EPB41L4A: variants seen among roughly 807,000 people sequenced by gnomAD.
The protein encoded by EPB41L4A is erythrocyte membrane protein band 4.1 like 4A.
A neutral mutation model predicts 108.6 loss-of-function variants in EPB41L4A; 100 were observed. That is an observed-to-expected ratio of 0.92 (90% CI 0.78 to 1.09). The LOEUF is 1.09. EPB41L4A is among the 50% of genes least tolerant of loss of function. The pLI, the probability that EPB41L4A is intolerant of heterozygous loss-of-function variation, is 0.00. For synonymous variants in EPB41L4A, 319 were observed against 289.0 expected (o/e 1.10, Z -1.05); for missense variants, 1,030 against 842.7 (o/e 1.22, Z -2.75).
intron 12 of EPB41L4A, among the ~76,000 whole-genome samples, chr5:112,232,365 T>C (rs1749020377): frequency 1.3e-5 from 2 of 152,214 alleles, no homozygotes; most frequent in South Asian, 4.1e-4. Flanking sequence ...CACAGTAGTT[T>C]TAGCCAAACT....
At chr5:112,375,313 T>TCTCTCTCTCG (rs112044611) in intron 1 of EPB41L4A, among the ~76,000 whole-genome samples, 16,795 of 148,414 alleles carry the variant, frequency 0.11, 3,164 homozygotes, top group African/African-American at 0.4. Flanking sequence ...GGTCAGTCTC[T>TCTCTCTCTCG]CTCTCTCTCG....
At chr5:112,195,588 C>T in intron 16 of EPB41L4A, 73 bp downstream of exon 16, 1 of 1,314,696 alleles carries the variant, frequency 7.6e-7, no homozygotes, top group Admixed American at 1.8e-5. Context: ...CCCGCTCTTT[C>T]CTTAACTCTG....
At chr5:112,194,754 T>C in intron 16 of EPB41L4A, 109 bp from the exon 17 acceptor site, 2 of 646,562 alleles carry the variant, frequency 3.1e-6, no homozygotes, top group Non-Finnish European at 5.1e-6. Flanking sequence ...AGTAAAATTA[T>C]CAATCCAAAC....
intron 9 of EPB41L4A, among the ~76,000 whole-genome samples, chr5:112,251,834 G>C (rs1158465414): frequency 6.6e-6 from 1 of 152,150 alleles, no homozygotes; most frequent in African/African-American, 2.4e-5. Context: ...GAATACATGA[G>C]CACAGGAATG....
chr5:112,300,875 T>A (rs1754310789), intron 2 of EPB41L4A, among the ~76,000 whole-genome samples: 2 of 152,162 alleles, frequency 1.3e-5, no homozygotes, highest in Non-Finnish European at 2.9e-5. Context: ...TTGGACTGGG[T>A]TAATTTGATA....
chr5:112,154,026 A>C (rs953708672), intron 12 of EPB41L4A, among the ~76,000 whole-genome samples: 26 of 152,250 alleles, frequency 1.7e-4, no homozygotes, highest in African/African-American at 6.0e-4. Context: ...CAATATGGCC[A>C]AGTTAATTGG....
At chr5:112,214,981 A>G (rs571473017) in intron 12 of EPB41L4A, among the ~76,000 whole-genome samples, 3 of 152,314 alleles carry the variant, frequency 2.0e-5, no homozygotes, top group African/African-American at 7.2e-5. Context: ...TAAGGCCTCA[A>G]AATCTTAATA....
In EPB41L4A at chr5:112,331,678, C is replaced by T. The variant is rs114837484; in HGVS notation, c.100-24188G>A. On this transcript the variant is annotated intron_variant, in intron 1 of 22. Transcript: ENST00000261486. Reference sequence around the variant, plus strand: ...ATGTCAGCAAAGTTCTCAGTCCCCACCCTGACACTGTATAAGCAGGATGCA... The same window carrying T: ...ATGTCAGCAAAGTTCTCAGTCCCCATCCTGACACTGTATAAGCAGGATGCA... Among the ~76,000 whole-genome samples, 1,414 of 152,334 alleles carry T rather than the reference C, an allele frequency of 9.3e-3. 23 individuals carry two copies. Among genetic ancestry groups the T allele is most frequent in the African/African-American group, 0.032 (1,347 of 41,566 alleles).
intron 2 of EPB41L4A, among the ~76,000 whole-genome samples, chr5:112,300,371 T>C (rs1164131543): frequency 6.6e-6 from 1 of 152,184 alleles, no homozygotes; most frequent in Non-Finnish European, 1.5e-5. Context: ...CAGCATTTGT[T>C]TACCTGAAAA....
chr5:112,275,313 G>A lies in EPB41L4A; in HGVS notation c.335+13C>T. 6.5e-7 allele frequency: 1 copy of A among 1,535,080 alleles called. No individual in the cohort carries two copies. The highest frequency in any genetic ancestry group is 8.8e-7 in the Non-Finnish European group (1 of 1,135,750). ...ATGCATGTATCTGTTCAAAAACAAA[G>A]TCAATACTATACCTGGTTATTTCTT... On this transcript the variant is annotated intron_variant, in intron 4 of 22. Transcript: ENST00000261486.
At chr5:112,172,207 CTTTGT>C (rs1170429660) in intron 18 of EPB41L4A, among the ~76,000 whole-genome samples, 1 of 152,096 alleles carries the variant, frequency 6.6e-6, no homozygotes, top group Non-Finnish European at 1.5e-5. Flanking sequence ...TGTAGATGTT[CTTTGT>C]TTTAAGAATA....
rs777916161 is a variant in EPB41L4A, at chr5:112,170,264, A to G, written c.1739+37T>C. 3 of 1,593,480 alleles carry G rather than the reference A, an allele frequency of 1.9e-6. No homozygotes were observed. The South Asian group carries it at 3.3e-5, about 18-fold the overall frequency. ...TAGAATGGATTACTCACAAGCACTA[A>G]TAAAGCTTTGGTGAGAAGATTCTGA... On this transcript the variant is annotated intron_variant, in intron 20 of 22. Coordinates refer to ENST00000261486, the MANE Select transcript of EPB41L4A (RefSeq NM_022140.5).
intron 1 of EPB41L4A, among the ~76,000 whole-genome samples, chr5:112,398,377 G>A (rs1395921060): frequency 6.6e-6 from 1 of 151,978 alleles, no homozygotes; most frequent in Non-Finnish European, 1.5e-5. Context: ...TCTTTAGAAT[G>A]TGGGGTTTTT....
intron 19 of EPB41L4A, 79 bp from the exon 20 acceptor site, chr5:112,170,448 T>G (rs182267109): frequency 1.1e-6 from 1 of 920,098 alleles, no homozygotes; most frequent in East Asian, 2.5e-5. Flanking sequence ...GCAGGTGAGT[T>G]TTCCCTTTCT....
chr5:112,202,758 A>G (rs1762279709), intron 15 of EPB41L4A, among the ~76,000 whole-genome samples: 1 of 152,074 alleles, frequency 6.6e-6, no homozygotes, highest in Non-Finnish European at 1.5e-5. Context: ...GGAAACTAGC[A>G]GAAGCAAAAG....
At chr5:112,337,090 C>CAAA (rs1378386075) in intron 1 of EPB41L4A, among the ~76,000 whole-genome samples, 1 of 152,152 alleles carries the variant, frequency 6.6e-6, no homozygotes, top group African/African-American at 2.4e-5. Context: ...TTGAGCCTGT[C>CAAA]ACGTGAAGGT....
At chr5:112,273,021 C>A (rs937574677) in intron 4 of EPB41L4A, among the ~76,000 whole-genome samples, 7 of 152,126 alleles carry the variant, frequency 4.6e-5, no homozygotes, top group Non-Finnish European at 1.0e-4. Flanking sequence ...CAGAAGTATG[C>A]TCTTCCTTAA....
At chr5:112,403,044 G>GA (rs1031865899) in intron 1 of EPB41L4A, among the ~76,000 whole-genome samples, 19 of 144,722 alleles carry the variant, frequency 1.3e-4, no homozygotes, top group African/African-American at 2.3e-4. Flanking sequence ...TTTTAAGTTG[G>GA]AAAAAAAAAA....
At chr5:112,398,290 A>T (rs1410492719) in intron 1 of EPB41L4A, among the ~76,000 whole-genome samples, 3 of 152,222 alleles carry the variant, frequency 2.0e-5, no homozygotes, top group African/African-American at 7.2e-5. Context: ...CTCTAGGCCT[A>T]CCAAATCTCT....
Sources: allele counts gnomAD v4.1 joint callset (sites outside exome capture counted in the v4.1 genomes callset), GRCh38; gene constraint gnomAD v4.1.1; transcripts MANE v1.5; gene names NCBI Gene and HGNC (gene_info 2026-07-23, HGNC 2026-07-21).